The following ZBED6 variants were observed in gnomAD, a reference collection of about 807,000 sequenced individuals.
ZBED6 encodes zinc finger BED domain-containing protein 6.
A neutral mutation model predicts 58.4 loss-of-function variants in ZBED6; 40 were observed. The ratio of observed to expected loss-of-function variants is 0.68; its 90% CI spans 0.53 to 0.89. The LOEUF (loss-of-function observed/expected upper bound fraction) is 0.89, where lower values mean the gene tolerates loss of function less well. Among genes scored for constraint, ZBED6 ranks in the 40% least tolerant of loss-of-function variants. ZBED6 has a pLI of 0.00. For missense variants in ZBED6, 1,057 were observed against 1,003.9 expected, an observed-to-expected ratio of 1.05 and a Z score of -0.71; for synonymous variants, 439 against 350.6, an observed-to-expected ratio of 1.25 and a Z score of -2.82.
rs770113909 is a variant in ZBED6, at chr1:203,850,662, C to T, written c.*4786C>T. 9 of 1,614,074 alleles carry T rather than the reference C, an allele frequency of 5.6e-6. 1 individual carries two copies. The South Asian group carries it at 7.7e-5, about 14-fold the overall frequency. On this transcript the variant is annotated 3_prime_UTR_variant, in exon 15 of 17. Transcript: ENST00000550078. ...TCCAGCAGTGTCCTACAGGAACCCC[C>T]AGCCAAAAAGGCAGCTGTGGTAAGA...
In ZBED6 at chr1:203,837,183, T is replaced by C. The variant is rs902382579; in HGVS notation, c.*3574-783T>C. 4.0e-5 allele frequency among the ~76,000 whole-genome samples: 6 copies of C among 150,974 alleles called. No individual in the cohort carries two copies. In the East Asian group the frequency reaches 1.2e-3, roughly 30 times the overall value. On this transcript the variant is annotated intron_variant, in intron 9 of 16. Transcript: ENST00000550078. ...GGCATGTGCCTATAGTCCAGCTACT[T>C]GGGAGGCTGAGGTGGGAGGATCGCT... is the stretch of plus-strand genomic sequence containing the variant.
chr1:203,844,195 A>G (rs1687267986), intron 11 of ZBED6, among the ~76,000 whole-genome samples: 2 of 138,204 alleles, frequency 1.4e-5, no homozygotes, highest in African/African-American at 5.5e-5. Context: ...ACAGAGTCTC[A>G]CTCTCATCCA....
At chr1:203,799,640 C>A in exon 1 of ZBED6, 1 of 703,396 alleles carries the variant, frequency 1.4e-6, no homozygotes. Context: ...GCGTGAAGAC[C>A]GCAGGATTGA....
chr1:203,845,754 A>G (rs1367469348), intron 11 of ZBED6, among the ~76,000 whole-genome samples: 1 of 152,080 alleles, frequency 6.6e-6, no homozygotes, highest in African/African-American at 2.4e-5. Flanking sequence ...AGGCCCAGCT[A>G]CTTGGGAGGC....
chr1:203,829,281 A>T, intron 4 of ZBED6, 170 bp from the exon 5 acceptor site: 1 of 650,990 alleles, frequency 1.5e-6, no homozygotes, highest in Non-Finnish European at 2.6e-6. Context: ...AGAGTTAATT[A>T]GGTAAAAGCA....
intron 1 of ZBED6, among the ~76,000 whole-genome samples, chr1:203,813,798 G>A (rs996965998): frequency 2.5e-4 from 38 of 152,128 alleles, no homozygotes; most frequent in African/African-American, 9.2e-4. Flanking sequence ...CAGCCACATG[G>A]TCATCTTCTC....
chr1:203,797,450 G>T lies in ZBED6; in HGVS notation c.-73G>T. The T allele has an allele frequency of 1.8e-5, 24 of 1,351,926 alleles. No homozygotes were observed. Among genetic ancestry groups the T allele is most frequent in the Non-Finnish European group, 2.2e-5 (23 of 1,028,414 alleles). 83.7% of individuals were successfully genotyped at this position (1,351,926 alleles called of 1,614,324 possible). A position where few individuals can be genotyped will look rare whatever the true frequency, so the allele number is the denominator to read the frequency against. On this transcript the variant is annotated 5_prime_UTR_variant, in exon 1 of 17. An upstream open reading frame in the 5' UTR gains an earlier in-frame stop. Coordinates refer to ENST00000550078, the Ensembl canonical transcript of ZBED6. ...GAGAAAAGGTAATGCAAGTAGAGAG[G>T]AACAGCTGTATTTCTGCTTGAGTAA...
At chr1:203,811,103 T>C (rs1454833995) in intron 1 of ZBED6, among the ~76,000 whole-genome samples, 1 of 147,272 alleles carries the variant, frequency 6.8e-6, no homozygotes, top group East Asian at 2.0e-4. Context: ...ATTGCGCCAC[T>C]GCACTCCAGC....
At chr1:203,852,195 T>C (rs745359657) in exon 17 of ZBED6, 1 of 1,613,718 alleles carries the variant, frequency 6.2e-7, no homozygotes, top group Non-Finnish European at 8.5e-7. Context: ...CGGAGGTGTC[T>C]GGCCCTTCCT....
chr1:203,818,821 G>C (rs1386353512), intron 3 of ZBED6, 132 bp downstream of exon 3: 8 of 1,401,118 alleles, frequency 5.7e-6, no homozygotes, highest in Non-Finnish European at 7.7e-6. Context: ...TGTAGTTCCA[G>C]CACTTTGGGA....
chr1:203,818,961 C>T (rs930569863), intron 3 of ZBED6, among the ~76,000 whole-genome samples: 6 of 150,838 alleles, frequency 4.0e-5, no homozygotes, highest in South Asian at 4.2e-4. Flanking sequence ...TCCAGCTACT[C>T]GGGAGGCTGA....
exon 17 of ZBED6, chr1:203,852,302 A>C (rs186260032): frequency 6.2e-7 from 1 of 1,613,722 alleles, no homozygotes; most frequent in Non-Finnish European, 8.5e-7. Flanking sequence ...CTAATATGGG[A>C]GATTTCAGGA....
intron 11 of ZBED6, among the ~76,000 whole-genome samples, chr1:203,842,625 CTTT>C (rs575844553): frequency 1.6e-3 from 209 of 128,312 alleles, no homozygotes; most frequent in African/African-American, 5.5e-3. Flanking sequence ...GAGGGGGAAT[CTTT>C]TTTTTTTTTT....
intron 1 of ZBED6, chr1:203,815,061 C>T (rs954167605): frequency 2.0e-5 from 3 of 151,832 alleles, no homozygotes; most frequent in Non-Finnish European, 4.4e-5. Flanking sequence ...AACTCCTGAC[C>T]TCAAGTGATC....
Position 203,852,378 on chromosome 1 carries a change from A to G in ZBED6, c.*5111A>G, listed in dbSNP as rs138734829. On this transcript the variant is annotated 3_prime_UTR_variant, in exon 17 of 17. Coordinates refer to ENST00000550078, the Ensembl canonical transcript of ZBED6. ...ATGAAGATGACCTTCTGCTTGAGCT[A>G]TCAGAAATGATTGATAGCTGAAGGT... 8.4e-5 allele frequency: 135 copies of G among 1,613,870 alleles called. No homozygotes were observed. The East Asian group carries it at 2.7e-3, about 33-fold the overall frequency.
exon 1 of ZBED6, chr1:203,798,784 A>G (rs1447265830): frequency 3.9e-6 from 6 of 1,536,028 alleles, no homozygotes; most frequent in Non-Finnish European, 4.4e-6. Flanking sequence ...ATTGTGGAGG[A>G]TATGCATCCT....
rs1688490184 is a variant in ZBED6, at chr1:203,848,555, C to T, written c.*4322+148C>T. On this transcript the variant is annotated intron_variant, in intron 13 of 16. Coordinates refer to ENST00000550078, the Ensembl canonical transcript of ZBED6. Reference sequence around the variant, plus strand: ...TACTTATAATTTCTTATGAGAATTTCCTGTAGTTCTATGTATATCAGTATT... The same window carrying T: ...TACTTATAATTTCTTATGAGAATTTTCTGTAGTTCTATGTATATCAGTATT... 6.0e-6 allele frequency: 4 copies of T among 665,196 alleles called. No individual in the cohort carries two copies. The Admixed American group carries it at 1.3e-4, about 22-fold the overall frequency. The allele number at this position is 665,196 out of a possible 1,614,324, so 41.2% of individuals were successfully genotyped here.
At position 203,830,451 on chromosome 1, in the gene ZBED6, C is replaced by G. The variant is rs184989871; in HGVS notation, c.*3399+248C>G. Reference sequence around the variant, plus strand: ...CTTGTATATCTTGAAAAATATAGCTCTGAAGAACATCATATAAGAACTATA... The same window carrying G: ...CTTGTATATCTTGAAAAATATAGCTGTGAAGAACATCATATAAGAACTATA... On this transcript the variant is annotated intron_variant, in intron 7 of 16. Coordinates refer to ENST00000550078, the Ensembl canonical transcript of ZBED6. 3.5e-3 allele frequency among the ~76,000 whole-genome samples: 527 copies of G among 152,248 alleles called. 1 individual carries two copies. The highest frequency in any genetic ancestry group is 7.7e-3 in the Admixed American group (117 of 15,284).
At chr1:203,847,819 G>T (rs1485405200) in intron 12 of ZBED6, 132 bp downstream of exon 12, 2 of 1,362,636 alleles carry the variant, frequency 1.5e-6, no homozygotes, top group African/African-American at 2.9e-5. Flanking sequence ...TGAATTAAAT[G>T]AAGTTTTTCA....
Sources: gnomAD v4.1 joint callset for allele counts (sites outside exome capture counted in the v4.1 genomes callset) on GRCh38, gnomAD v4.1.1 for gene constraint, MANE v1.5 for transcripts, NCBI Gene and HGNC (gene_info 2026-07-23, HGNC 2026-07-21) for gene names.